The following ZMYM4 variants were observed in gnomAD, a reference collection of about 807,000 sequenced individuals.
The protein encoded by ZMYM4 is zinc finger MYM-type containing 4.
ZMYM4 carries 31 observed loss-of-function variants against 183.2 expected under a neutral mutation model. The ratio of observed to expected loss-of-function variants is 0.17; its 90% CI spans 0.13 to 0.23. ZMYM4 has a LOEUF of 0.23. ZMYM4 is among the 10% of genes least tolerant of loss of function. ZMYM4 has a pLI of 1.00. For missense variants in ZMYM4, 1,273 were observed against 1,840.3 expected, an observed-to-expected ratio of 0.69 and a Z score of 5.64; for synonymous variants, 592 against 631.2, an observed-to-expected ratio of 0.94 and a Z score of 0.93.
chr1:35,380,177 G>A (rs2148961900), intron 7 of ZMYM4, among the ~76,000 whole-genome samples: 1 of 152,266 alleles, frequency 6.6e-6, no homozygotes, highest in Admixed American at 6.5e-5. Context: ...TATCCTGCTA[G>A]TGTAATCTCT....
chr1:35,374,537 C>G (rs1644292143), intron 7 of ZMYM4, among the ~76,000 whole-genome samples: 1 of 151,786 alleles, frequency 6.6e-6, no homozygotes, highest in African/African-American at 2.4e-5. Context: ...TGGTGGCATG[C>G]ACTTGTAGTC....
intron 1 of ZMYM4, among the ~76,000 whole-genome samples, chr1:35,277,762 T>G (rs1639945370): frequency 6.6e-6 from 1 of 152,116 alleles, no homozygotes; most frequent in African/African-American, 2.4e-5. Context: ...ATGCTTATTT[T>G]TTTCCCCTTT....
chr1:35,374,106 A>G (rs1644281620), intron 7 of ZMYM4, among the ~76,000 whole-genome samples: 1 of 130,218 alleles, frequency 7.7e-6, no homozygotes, highest in Non-Finnish European at 1.5e-5. Context: ...ATCTTGGCTC[A>G]CTGCAACCTC....
rs1003344314 is a variant in ZMYM4, at chr1:35,344,306, G to A, written c.86-14619G>A. 2.0e-5 allele frequency among the ~76,000 whole-genome samples: 3 copies of A among 152,064 alleles called. No individual in the cohort carries two copies. In the South Asian group the frequency reaches 6.2e-4, roughly 32 times the overall value. ...TGGCCTCAAGTGATCCACCTGCCTC[G>A]ACCTCCCTAAGTGCTGGGATTACAG... On this transcript the variant is annotated intron_variant, in intron 2 of 29. Transcript: ENST00000314607.
chr1:35,286,638 G>T (rs1388673807), intron 1 of ZMYM4, among the ~76,000 whole-genome samples: 7 of 140,022 alleles, frequency 5.0e-5, no homozygotes, highest in Admixed American at 3.1e-4. Flanking sequence ...GTACTCTGTT[G>T]CCCAGGTTGG....
At chr1:35,342,400 A>G (rs1377706981) in intron 2 of ZMYM4, among the ~76,000 whole-genome samples, 2 of 152,080 alleles carry the variant, frequency 1.3e-5, no homozygotes, top group East Asian at 1.9e-4. Flanking sequence ...GGTTCAAGCA[A>G]TCCTCCTGCC....
rs1354625896 is a variant in ZMYM4 at position 35,281,565 on chromosome 1, A to G, written c.39+12480A>G. 4.6e-5 allele frequency among the ~76,000 whole-genome samples: 7 copies of G among 152,076 alleles called. No individual in the cohort carries two copies. In the South Asian group the frequency reaches 1.2e-3, roughly 27 times the overall value. On this transcript the variant is annotated intron_variant, in intron 1 of 29. Coordinates refer to ENST00000314607, the MANE Select transcript of ZMYM4 (RefSeq NM_005095.3). ...ATATGCTAATTTGCTTGATTCAGTC[A>G]TTCCACACCGTATACATACGTGTGT...
chr1:35,390,148 C>G (rs377563214), intron 15 of ZMYM4, 50 bp downstream of exon 15: 2 of 1,564,122 alleles, frequency 1.3e-6, no homozygotes, highest in Non-Finnish European at 1.7e-6. Flanking sequence ...ATACTAGGAA[C>G]TACTGTTCTT....
intron 23 of ZMYM4, among the ~76,000 whole-genome samples, chr1:35,401,562 T>G (rs1644908944): frequency 6.6e-6 from 1 of 152,190 alleles, no homozygotes; most frequent in African/African-American, 2.4e-5. Context: ...TTTGGTCCTA[T>G]TTTGTTACTT....
At chr1:35,384,643 G>A (rs558036997) in intron 9 of ZMYM4, among the ~76,000 whole-genome samples, 2 of 152,056 alleles carry the variant, frequency 1.3e-5, no homozygotes, top group African/African-American at 4.8e-5. Flanking sequence ...CCAATAAGTT[G>A]CCTAATAAGG....
At chr1:35,355,200 CTTTTTTTTTT>C (rs1013941289) in intron 2 of ZMYM4, among the ~76,000 whole-genome samples, 9 of 77,196 alleles carry the variant, frequency 1.2e-4, no homozygotes, top group South Asian at 5.3e-4. Flanking sequence ...CGCCTGGCTT[CTTTTTTTTTT>C]TTTTTTTTTT....
At chr1:35,337,815 T>G (rs909896438) in intron 2 of ZMYM4, among the ~76,000 whole-genome samples, 2 of 152,158 alleles carry the variant, frequency 1.3e-5, no homozygotes, top group African/African-American at 4.8e-5. Flanking sequence ...GGCAGGCACC[T>G]GCAATTCCAG....
At chr1:35,284,219 A>G (rs1253285710) in intron 1 of ZMYM4, among the ~76,000 whole-genome samples, 1 of 149,570 alleles carries the variant, frequency 6.7e-6, no homozygotes, top group Non-Finnish European at 1.5e-5. Context: ...CTCATGATCC[A>G]CCTGCCTCGG....
At chr1:35,312,461 C>T (rs192625353) in intron 1 of ZMYM4, among the ~76,000 whole-genome samples, 10 of 152,242 alleles carry the variant, frequency 6.6e-5, no homozygotes, top group African/African-American at 1.4e-4. Flanking sequence ...TAAGTACATT[C>T]GCATTGTTGT....
chr1:35,334,073 C>T (rs1006442760), intron 2 of ZMYM4, among the ~76,000 whole-genome samples: 6 of 150,404 alleles, frequency 4.0e-5, no homozygotes, highest in Admixed American at 1.3e-4. Context: ...CCCACCACTT[C>T]GGGAGACTGA....
At chr1:35,326,687 TCA>T (rs141928423) in intron 2 of ZMYM4, among the ~76,000 whole-genome samples, 1 of 152,048 alleles carries the variant, frequency 6.6e-6, no homozygotes, top group Non-Finnish European at 1.5e-5. Context: ...ACAGTGTGCT[TCA>T]CACACACACA....
At chr1:35,382,111 C>T (rs188117384) in intron 9 of ZMYM4, among the ~76,000 whole-genome samples, 28 of 150,186 alleles carry the variant, frequency 1.9e-4, no homozygotes, top group African/African-American at 6.4e-4. Context: ...TACCATTGCA[C>T]TCCAGCCTGG....
At chr1:35,329,005 A>G (rs1642623890) in intron 2 of ZMYM4, among the ~76,000 whole-genome samples, 1 of 152,122 alleles carries the variant, frequency 6.6e-6, no homozygotes, top group Non-Finnish European at 1.5e-5. Flanking sequence ...GGGATATGGG[A>G]CCTCAAATAT....
chr1:35,396,810 C>G, intron 19 of ZMYM4, 140 bp downstream of exon 19: 2 of 999,718 alleles, frequency 2.0e-6, no homozygotes, highest in South Asian at 4.3e-5. Context: ...CCCATTATTA[C>G]TTAACATGGA....
Sources: gnomAD v4.1 joint callset for allele counts (sites outside exome capture counted in the v4.1 genomes callset) on GRCh38, gnomAD v4.1.1 for gene constraint, MANE v1.5 for transcripts, NCBI Gene and HGNC (gene_info 2026-07-23, HGNC 2026-07-21) for gene names.